PPARGC1B: variants seen among roughly 807,000 people sequenced by gnomAD.
PPARGC1B encodes peroxisome proliferator-activated receptor gamma coactivator 1-beta.
Under a neutral mutation model 101.6 loss-of-function variants are expected in PPARGC1B, and 34 were observed. The observed-to-expected ratio is 0.33, with a 90% CI of 0.25 to 0.45. PPARGC1B has a LOEUF of 0.45. Among genes scored for constraint, PPARGC1B ranks in the 20% least tolerant of loss-of-function variants. The pLI is 1.00. For missense variants in PPARGC1B, 1,234 were observed against 1,317.6 expected, an observed-to-expected ratio of 0.94 and a Z score of 0.98; for synonymous variants, 548 against 539.3, an observed-to-expected ratio of 1.02 and a Z score of -0.22.
At chr5:149,836,077 C>T (rs1447567961) in intron 7 of PPARGC1B, among the ~76,000 whole-genome samples, 186 bp from the exon 8 acceptor site, 1 of 150,104 alleles carries the variant, frequency 6.7e-6, no homozygotes, top group Non-Finnish European at 1.5e-5. Flanking sequence ...TTAGTAGAGA[C>T]ATGATTTCAC....
At chr5:149,811,589 A>G (rs1251280897) in intron 1 of PPARGC1B, among the ~76,000 whole-genome samples, 2 of 152,186 alleles carry the variant, frequency 1.3e-5, no homozygotes, top group Non-Finnish European at 2.9e-5. Context: ...CACCTTAGGC[A>G]TTAGTAAAGG....
At chr5:149,756,866 AGATGG>A (rs1755546616) in intron 1 of PPARGC1B, among the ~76,000 whole-genome samples, 1 of 152,130 alleles carries the variant, frequency 6.6e-6, no homozygotes, top group African/African-American at 2.4e-5. Context: ...TGTCCACCTG[AGATGG>A]GATCTGGTTC....
intron 2 of PPARGC1B, 42 bp downstream of exon 2, chr5:149,820,648 C>A (rs1435307518): frequency 1.9e-6 from 3 of 1,567,018 alleles, no homozygotes; most frequent in Non-Finnish European, 2.6e-6. Context: ...CCTGCCAGGC[C>A]TCTCTCTCCT....
intron 1 of PPARGC1B, among the ~76,000 whole-genome samples, chr5:149,758,880 C>T (rs1364586918): frequency 2.6e-5 from 4 of 152,024 alleles, no homozygotes; most frequent in Middle Eastern, 3.2e-3. Flanking sequence ...TCATACATTC[C>T]CAATAACGGT....
Position 149,791,335 on chromosome 5 carries a change from G to C in PPARGC1B, c.79-29098G>C, listed in dbSNP as rs144382690. On this transcript the variant is annotated intron_variant, in intron 1 of 11. Transcript: ENST00000309241. ...CTATTAAAAAAACTGATTCTATTAG[G>C]TTTCTCCTTGTCTTCCCTCTGTAAG... Among the ~76,000 whole-genome samples the C allele has an allele frequency of 2.8e-3, 422 of 151,866 alleles. 2 individuals are homozygous for C. Among genetic ancestry groups the C allele is most frequent in the African/African-American group, 9.6e-3 (399 of 41,400 alleles).
intron 1 of PPARGC1B, among the ~76,000 whole-genome samples, chr5:149,769,367 A>G (rs1336985052): frequency 6.6e-6 from 1 of 152,202 alleles, no homozygotes; most frequent in Non-Finnish European, 1.5e-5. Context: ...CCTGGTCTGC[A>G]CTGCATAACG....
chr5:149,745,638 G>A (rs191451437), intron 1 of PPARGC1B, among the ~76,000 whole-genome samples: 19 of 152,252 alleles, frequency 1.2e-4, no homozygotes, highest in African/African-American at 3.6e-4. Flanking sequence ...AATAATGCCC[G>A]TGGAGAGCAG....
At chr5:149,801,580 G>A (rs1757432162) in intron 1 of PPARGC1B, among the ~76,000 whole-genome samples, 1 of 152,220 alleles carries the variant, frequency 6.6e-6, no homozygotes, top group Non-Finnish European at 1.5e-5. Context: ...GACACACCGT[G>A]CAGGACCTTA....
chr5:149,799,687 G>GTTTTTTTTTTTTTT (rs1561553708), intron 1 of PPARGC1B, among the ~76,000 whole-genome samples: 2 of 85,434 alleles, frequency 2.3e-5, no homozygotes, highest in African/African-American at 8.4e-5. Flanking sequence ...TTGTTTGCTT[G>GTTTTTTTTTTTTTT]TTGTTGTTTT....
chr5:149,808,644 C>T (rs1757687203), intron 1 of PPARGC1B, among the ~76,000 whole-genome samples: 1 of 152,166 alleles, frequency 6.6e-6, no homozygotes, highest in African/African-American at 2.4e-5. Flanking sequence ...TGCCAGGAAG[C>T]TTGGTCTTGT....
chr5:149,845,755 C>T lies in PPARGC1B; in HGVS notation c.2817-5C>T, dbSNP rs775019209. 10 of 1,603,732 alleles carry T rather than the reference C, an allele frequency of 6.2e-6. No individual in the cohort carries two copies. The highest frequency in any genetic ancestry group is 3.3e-5 in the South Asian group (3 of 90,248). On this transcript the variant is annotated splice_polypyrimidine_tract_variant and splice_region_variant and intron_variant, in intron 10 of 11. Transcript: ENST00000309241. ...TAACATACTCTCCTTGCTCCCTCCC[C>T]GCAGAGGCGAGAAGTACGGCTTCAT...
rs1231556677 is a variant in PPARGC1B at position 149,730,315 on chromosome 5, C to T, written c.-28C>T. 3 of 1,528,076 alleles carry T rather than the reference C, an allele frequency of 2.0e-6. No individual in the cohort carries two copies. Among genetic ancestry groups the T allele is most frequent in the East Asian group, 2.7e-5 (1 of 37,438 alleles). 94.7% of individuals were successfully genotyped at this position (1,528,076 alleles called of 1,614,324 possible). On this transcript the variant is annotated 5_prime_UTR_variant, in exon 1 of 12. Transcript: ENST00000309241. The surrounding 1 kb of genome is among the most constrained non-coding windows in gnomAD (Gnocchi z 4.0). ...CCCCGGGCCGGCTCGGCGTTGACTC[C>T]GCCGCACGCTGCAGCCGCGGCTGGA...
chr5:149,762,513 A>T lies in PPARGC1B; in HGVS notation c.78+32093A>T, dbSNP rs552314807. On this transcript the variant is annotated intron_variant, in intron 1 of 11. Transcript: ENST00000309241. The stretch of plus-strand genomic sequence containing the variant: ...CCTCTCTGCTGATTCCGGCAGCCTG[A>T]CCCACCCATGGGGCCTCTCAGTGAA... 2.4e-4 allele frequency among the ~76,000 whole-genome samples: 37 copies of T among 152,158 alleles called. No homozygotes were observed. In the South Asian group the frequency reaches 7.3e-3, roughly 30 times the overall value.
chr5:149,789,766 T>TA (rs1397056853), intron 1 of PPARGC1B, among the ~76,000 whole-genome samples: 1 of 152,248 alleles, frequency 6.6e-6, no homozygotes, highest in Non-Finnish European at 1.5e-5. Context: ...CTGTAGACTG[T>TA]AAAGTGCCAT....
chr5:149,747,950 G>C (rs1755148452), intron 1 of PPARGC1B, among the ~76,000 whole-genome samples: 1 of 152,162 alleles, frequency 6.6e-6, no homozygotes, highest in African/African-American at 2.4e-5. Flanking sequence ...GGGAGAGCAG[G>C]GTGGGGTTGA....
rs1759698489 is a variant in PPARGC1B at position 149,849,662 on chromosome 5, A to T, written c.*2104A>T. The T allele has an allele frequency of 6.6e-6, 1 of 152,156 alleles. No individual in the cohort carries two copies. The highest frequency in any genetic ancestry group is 2.1e-4 in the South Asian group (1 of 4,826). The allele number at this position is 152,156 out of a possible 1,614,324, so 9.4% of individuals were successfully genotyped here. On this transcript the variant is annotated 3_prime_UTR_variant, in exon 12 of 12. Coordinates refer to ENST00000309241, the MANE Select transcript of PPARGC1B (RefSeq NM_133263.4). The stretch of plus-strand genomic sequence containing the variant: ...GGAAGGTTTCCAACAATCACACAAA[A>T]CCATATGCTGGCTGGGTTTCATGCT...
intron 1 of PPARGC1B, among the ~76,000 whole-genome samples, chr5:149,769,527 C>G (rs1756044093): frequency 6.6e-6 from 1 of 152,186 alleles, no homozygotes; most frequent in South Asian, 2.1e-4. Flanking sequence ...GAGAGACACC[C>G]CCTACTCCCC....
At chr5:149,759,600 G>T (rs534497007) in intron 1 of PPARGC1B, among the ~76,000 whole-genome samples, 8 of 152,360 alleles carry the variant, frequency 5.3e-5, no homozygotes, top group Admixed American at 2.6e-4. Flanking sequence ...ATACAAATGA[G>T]AGTTAGCCTG....
chr5:149,778,321 G>A (rs553498713), intron 1 of PPARGC1B, among the ~76,000 whole-genome samples: 194 of 152,002 alleles, frequency 1.3e-3, no homozygotes, highest in Non-Finnish European at 2.2e-3. Flanking sequence ...TCTCTTACCC[G>A]CCAGTCTGCA....
Sources: gnomAD v4.1 joint callset for allele counts (sites outside exome capture counted in the v4.1 genomes callset) on GRCh38, gnomAD v4.1.1 for gene constraint, Gnocchi (gnomAD v3.1) non-coding constraint, MANE v1.5 for transcripts, NCBI Gene and HGNC (gene_info 2026-07-23, HGNC 2026-07-21) for gene names.